The following LARGE1 variants were observed in gnomAD, a reference collection of about 807,000 sequenced individuals.
LARGE1 encodes the protein xylosyl- and glucuronyltransferase LARGE1.
LARGE1 carries 43 observed loss-of-function variants against 87.6 expected under a neutral mutation model. That is an observed-to-expected ratio of 0.49 (90% confidence interval 0.38 to 0.63). The LOEUF is 0.63. Ranked by LOEUF, LARGE1 falls within the 30% of genes least tolerant of loss-of-function variation. The pLI, the probability that LARGE1 is intolerant of heterozygous loss-of-function variation, is 0.00. For missense variants in LARGE1, 802 were observed against 1,000.2 expected, an observed-to-expected ratio of 0.80 and a Z score of 2.67; for synonymous variants, 434 against 394.6, an observed-to-expected ratio of 1.10 and a Z score of -1.18.
At chr22:33,358,126 G>T (rs1941070311) in intron 9 of LARGE1, among the ~76,000 whole-genome samples, 1 of 152,114 alleles carries the variant, frequency 6.6e-6, no homozygotes, top group Admixed American at 6.6e-5. Flanking sequence ...TAATCCTGAG[G>T]ACTCCTTGAG....
chr22:33,218,597 G>T (rs1925318409), intron 11 of LARGE1, among the ~76,000 whole-genome samples: 1 of 152,134 alleles, frequency 6.6e-6, no homozygotes, highest in Admixed American at 6.5e-5. Flanking sequence ...CCTTGGGACA[G>T]AATTCATAAC....
At chr22:33,718,286 C>T (rs955026341) in intron 2 of LARGE1, among the ~76,000 whole-genome samples, 4 of 152,154 alleles carry the variant, frequency 2.6e-5, no homozygotes, top group African/African-American at 9.7e-5. Context: ...CCCATCAGGA[C>T]CTCAGCTGCT....
chr22:33,273,847 G>A lies in LARGE1; in HGVS notation c.*580C>T, dbSNP rs776235903. Reference sequence around the variant, plus strand: ...AAAACAGGAGTGACTTTGGGGATAAGGAAACCCATCAACCCCACCTCCAGG... The same window carrying A: ...AAAACAGGAGTGACTTTGGGGATAAAGAAACCCATCAACCCCACCTCCAGG... On this transcript the variant is annotated 3_prime_UTR_variant, in exon 15 of 15. Coordinates refer to ENST00000397394, the MANE Select transcript of LARGE1 (RefSeq NM_133642.5). The A allele has an allele frequency of 3.1e-5, 12 of 387,664 alleles. No individual in the cohort carries two copies. Among genetic ancestry groups the A allele is most frequent in the African/African-American group, 6.2e-5 (3 of 48,234 alleles). The allele number at this position is 387,664 out of a possible 1,614,324, so 24.0% of individuals were successfully genotyped here. A position where few individuals can be genotyped will look rare whatever the true frequency, so the allele number is the denominator to read the frequency against.
intron 2 of LARGE1, among the ~76,000 whole-genome samples, chr22:33,675,507 G>A (rs559967985): frequency 2.4e-4 from 37 of 152,080 alleles, no homozygotes; most frequent in African/African-American, 8.2e-4. Context: ...GGGTAGGAAA[G>A]AGGTTGATGT....
At chr22:33,775,629 A>G (rs2145849143) in intron 1 of LARGE1, among the ~76,000 whole-genome samples, 1 of 152,290 alleles carries the variant, frequency 6.6e-6, no homozygotes, top group South Asian at 2.1e-4. Context: ...AAGTGGGTGG[A>G]TCACCTGAGG....
chr22:33,609,438 G>A (rs929578618), intron 4 of LARGE1, among the ~76,000 whole-genome samples: 4 of 152,188 alleles, frequency 2.6e-5, no homozygotes, highest in African/African-American at 9.6e-5. Flanking sequence ...GGTGGTGAGG[G>A]TGAAAGAGAT....
intron 1 of LARGE1, among the ~76,000 whole-genome samples, chr22:33,789,434 G>A (rs1048984480): frequency 1.3e-5 from 2 of 152,210 alleles, no homozygotes; most frequent in African/African-American, 4.8e-5. Flanking sequence ...GGAAATGTGG[G>A]GTTGGATCCC....
intron 11 of LARGE1, among the ~76,000 whole-genome samples, chr22:33,201,444 G>C (rs1924386435): frequency 1.1e-5 from 1 of 92,390 alleles, no homozygotes; most frequent in Admixed American, 9.7e-5. Flanking sequence ...AGGAAGGAAG[G>C]AAGGGAGGAG....
At chr22:33,691,651 C>T (rs1275852741) in intron 2 of LARGE1, among the ~76,000 whole-genome samples, 3 of 152,162 alleles carry the variant, frequency 2.0e-5, no homozygotes, top group Admixed American at 2.0e-4. Context: ...ATCTAAGATT[C>T]CCAGCATGTC....
intron 5 of LARGE1, among the ~76,000 whole-genome samples, chr22:33,597,611 G>A (rs2079013603): frequency 1.3e-5 from 2 of 152,188 alleles, no homozygotes; most frequent in Non-Finnish European, 2.9e-5. Context: ...TGCAGCCACA[G>A]TCCTGAATCT....
chr22:33,825,541 C>T (rs901802731), intron 1 of LARGE1, among the ~76,000 whole-genome samples: 4 of 152,048 alleles, frequency 2.6e-5, no homozygotes, highest in South Asian at 2.1e-4. Context: ...CAAGGAGAAA[C>T]GCTGACCAAA....
At chr22:33,698,294 G>C (rs1037906184) in intron 2 of LARGE1, among the ~76,000 whole-genome samples, 1 of 146,676 alleles carries the variant, frequency 6.8e-6, no homozygotes, top group African/African-American at 2.6e-5. Context: ...GGCTGGTCTT[G>C]AACTCCTAGC....
intron 6 of LARGE1, among the ~76,000 whole-genome samples, chr22:33,471,731 T>C (rs1228598316): frequency 6.6e-6 from 1 of 151,942 alleles, no homozygotes; most frequent in African/African-American, 2.4e-5. Context: ...GATCTTATGA[T>C]CAATAAAAGA....
At chr22:33,129,697 A>G in the LARGE1 span, among the ~76,000 whole-genome samples, 1 of 152,186 alleles carries the variant, frequency 6.6e-6, no homozygotes, top group African/African-American at 2.4e-5. Context: ...GAAACTTACA[A>G]TCATGGTGGA....
At chr22:33,338,815 A>C (rs1938797353) in intron 9 of LARGE1, among the ~76,000 whole-genome samples, 1 of 152,124 alleles carries the variant, frequency 6.6e-6, no homozygotes, top group Admixed American at 6.5e-5. Flanking sequence ...AAGTGTCCAC[A>C]AACAGGTAAT....
chr22:33,368,847 G>T (rs532666829), intron 9 of LARGE1, among the ~76,000 whole-genome samples: 37 of 152,226 alleles, frequency 2.4e-4, no homozygotes, highest in African/African-American at 8.2e-4. Flanking sequence ...AAAAAAATAC[G>T]TACTTTAATT....
At chr22:33,615,714 A>G (rs2079563167) in intron 4 of LARGE1, among the ~76,000 whole-genome samples, 1 of 151,974 alleles carries the variant, frequency 6.6e-6, no homozygotes, top group Non-Finnish European at 1.5e-5. Context: ...TTCACAGGAC[A>G]TGATCAAGAA....
chr22:33,435,053 T>C (rs920991756), intron 6 of LARGE1, among the ~76,000 whole-genome samples: 6 of 152,144 alleles, frequency 3.9e-5, no homozygotes, highest in Admixed American at 1.3e-4. Context: ...CAGGCTGGAG[T>C]GCAAATGGCG....
intron 2 of LARGE1, among the ~76,000 whole-genome samples, chr22:33,662,715 A>G (rs890101857): frequency 6.6e-6 from 1 of 152,144 alleles, no homozygotes; most frequent in African/African-American, 2.4e-5. Context: ...GCTGCCATCC[A>G]GAATATTCTA....
Sources: allele counts gnomAD v4.1 joint callset (sites outside exome capture counted in the v4.1 genomes callset), GRCh38; gene constraint gnomAD v4.1.1; transcripts MANE v1.5; gene names NCBI Gene and HGNC (gene_info 2026-07-23, HGNC 2026-07-21).